The following ACLY variants were observed in gnomAD, a reference collection of about 807,000 sequenced individuals.
ACLY encodes ATP-citrate synthase.
A neutral mutation model predicts 133.0 loss-of-function variants in ACLY; 41 were observed. The observed-to-expected ratio is 0.31, with a 90% CI of 0.24 to 0.40. ACLY has a LOEUF of 0.40. ACLY is among the 10% of genes least tolerant of loss of function. The probability of loss-of-function intolerance (pLI) is 1.00; values close to 1 mark genes in which losing one functional copy is unlikely to be tolerated. For missense variants in ACLY, 1,046 were observed against 1,453.8 expected (o/e 0.72, Z 4.56); for synonymous variants, 495 against 549.3 (o/e 0.90, Z 1.38).
At chr17:41,918,839 C>A in intron 1 of ACLY, 41 bp downstream of exon 1, 4 of 1,285,056 alleles carry the variant, frequency 3.1e-6, no homozygotes, top group Non-Finnish European at 4.1e-6. Flanking sequence ...GCTCCTAGGG[C>A]GAGCGGGCTC....
At chr17:41,872,473 G>A (rs1391956689) in intron 23 of ACLY, among the ~76,000 whole-genome samples, 2 of 152,018 alleles carry the variant, frequency 1.3e-5, no homozygotes, top group East Asian at 1.9e-4. Flanking sequence ...CTACAGGTAC[G>A]CACCACCACG....
intron 1 of ACLY, among the ~76,000 whole-genome samples, chr17:41,929,276 G>A (rs2050284118): frequency 6.6e-6 from 1 of 151,996 alleles, no homozygotes; most frequent in South Asian, 2.1e-4. Context: ...TGTATTTGTG[G>A]TAGAGACAGG....
rs2049727899 is a variant in ACLY at position 41,906,663 on chromosome 17, A to G, written c.748-17T>C. On this transcript the variant is annotated splice_polypyrimidine_tract_variant and intron_variant, in intron 7 of 28. Transcript: ENST00000352035. Reference sequence around the variant, plus strand: ...GTAGGCTTCCTGGGGACCAGACAGCAACAGGTAGGCCCTTGGGGTACCCCC... The same window carrying G: ...GTAGGCTTCCTGGGGACCAGACAGCGACAGGTAGGCCCTTGGGGTACCCCC... The G allele has an allele frequency of 6.2e-7, 1 of 1,608,434 alleles. No homozygotes were observed.
rs1346805529 is a variant in ACLY at position 41,893,157 on chromosome 17, A to G, written c.1477T>C (p.Phe493Leu). 2.4e-5 allele frequency: 39 copies of G among 1,613,446 alleles called. No individual in the cohort carries two copies. Among genetic ancestry groups the G allele is most frequent in the Non-Finnish European group, 3.3e-5 (39 of 1,179,718 alleles). The part of the protein sequence containing the change: ...RSLQGKSTTL[F>L]SRHTKAIVWG... ...ACAATGGCCTTGGTGTGGCGGCTGA[A>G]GAGGGTGGTGCTCTTTCCTGGTGGG... Residue 493 changes from phenylalanine (F) to leucine (L), a missense_variant, in exon 15 of 29, where the codon TTC becomes CTC. This residue lies in a region of ACLY where 575 missense variants were observed against 804.2 expected (regional missense o/e 0.71). Transcript: ENST00000352035.
Position 41,893,951 on chromosome 17 carries a change from C to T in ACLY, c.1460-777G>A, listed in dbSNP as rs140952629. 3.4e-3 allele frequency among the ~76,000 whole-genome samples: 521 copies of T among 152,226 alleles called. 3 individuals carry two copies. Among genetic ancestry groups the T allele is most frequent in the Non-Finnish European group, 5.8e-3 (392 of 68,016 alleles). ...GGCGCAGGTCAGGTGTGGTGGCTCA[C>T]GCCTGTAATCCCAGCACTTTGGGAG... On this transcript the variant is annotated intron_variant, in intron 14 of 28. Transcript: ENST00000352035.
At chr17:41,925,626 A>G (rs1230398277) in intron 1 of ACLY, among the ~76,000 whole-genome samples, 1 of 151,960 alleles carries the variant, frequency 6.6e-6, no homozygotes, top group Non-Finnish European at 1.5e-5. Context: ...TAAATAAATA[A>G]AAGTAATCTT....
At chr17:41,868,845 G>A (rs1489012026) in intron 27 of ACLY, 60 bp from the exon 28 acceptor site, 35 of 1,531,238 alleles carry the variant, frequency 2.3e-5, no homozygotes, top group Non-Finnish European at 2.7e-5. Context: ...CCTCCCCACA[G>A]ACAGTACTAC....
intron 24 of ACLY, 94 bp downstream of exon 24, chr17:41,871,936 ACT>A (rs1446885097): frequency 1.8e-5 from 29 of 1,592,632 alleles, no homozygotes; most frequent in Non-Finnish European, 2.4e-5. Context: ...TGGGTTTTAC[ACT>A]CAGGGGCTCC....
chr17:41,913,038 C>A (rs1378527836), intron 2 of ACLY, among the ~76,000 whole-genome samples: 1 of 152,164 alleles, frequency 6.6e-6, no homozygotes, highest in African/African-American at 2.4e-5. Flanking sequence ...ATCTCCAGGG[C>A]CAGGAAACTC....
intron 20 of ACLY, among the ~76,000 whole-genome samples, chr17:41,882,311 G>A (rs1175870940): frequency 1.7e-5 from 2 of 118,210 alleles, no homozygotes; most frequent in Non-Finnish European, 3.3e-5. Context: ...AGGTTGCAGT[G>A]AGCCGAGATC....
chr17:41,923,706 T>C (rs984349392), upstream of ACLY, among the ~76,000 whole-genome samples: 4 of 152,070 alleles, frequency 2.6e-5, no homozygotes, highest in African/African-American at 4.8e-5. Flanking sequence ...TCTTATAATA[T>C]GTGAATGAAA....
chr17:41,897,865 A>C (rs782418151), intron 12 of ACLY, 26 bp from the exon 13 acceptor site: 6 of 1,598,162 alleles, frequency 3.8e-6, no homozygotes, highest in African/African-American at 2.7e-5. Context: ...GAGAGAGTGT[A>C]AGAGGTAAGA....
chr17:41,890,167 T>C (rs1194689930), intron 16 of ACLY, among the ~76,000 whole-genome samples: 1 of 152,106 alleles, frequency 6.6e-6, no homozygotes, highest in East Asian at 1.9e-4. Flanking sequence ...TGGCATACAG[T>C]ATTATTCCCT....
intron 10 of ACLY, among the ~76,000 whole-genome samples, chr17:41,904,256 AGGGG>A (rs2049631967): frequency 1.2e-5 from 1 of 81,184 alleles, no homozygotes. Flanking sequence ...GAAGGAAGGG[AGGGG>A]AGGGAGGAAG....
chr17:41,927,479 C>A (rs1555636111), intron 1 of ACLY, among the ~76,000 whole-genome samples: 1 of 152,128 alleles, frequency 6.6e-6, no homozygotes, highest in Admixed American at 6.6e-5. Context: ...AGCTACCACA[C>A]CCGGCCACAT....
chr17:41,871,514 G>A (rs1250802136), intron 25 of ACLY, among the ~76,000 whole-genome samples, 175 bp downstream of exon 25: 2 of 151,980 alleles, frequency 1.3e-5, no homozygotes, highest in Non-Finnish European at 2.9e-5. Context: ...CACCACGCCT[G>A]GCTAATTTTT....
intron 10 of ACLY, among the ~76,000 whole-genome samples, chr17:41,902,355 A>C (rs1555631792): frequency 1.3e-5 from 2 of 152,202 alleles, no homozygotes; most frequent in Admixed American, 6.5e-5. Flanking sequence ...CTGGGACTAC[A>C]GATGTCTGCC....
At chr17:41,888,053 G>T (rs922263822) in intron 16 of ACLY, among the ~76,000 whole-genome samples, 9 of 152,030 alleles carry the variant, frequency 5.9e-5, no homozygotes, top group African/African-American at 2.2e-4. Flanking sequence ...GCTTGAGCCC[G>T]GGAGGTGGAG....
At chr17:41,882,383 A>G (rs2048941069) in intron 20 of ACLY, among the ~76,000 whole-genome samples, 1 of 149,180 alleles carries the variant, frequency 6.7e-6, no homozygotes, top group African/African-American at 2.5e-5. Flanking sequence ...AAAAAAAAAA[A>G]AAAAAAAAAA....
Sources: gnomAD v4.1 joint callset for allele counts (sites outside exome capture counted in the v4.1 genomes callset) on GRCh38, gnomAD v4.1.1 for gene constraint, gnomAD v4.1.1 regional missense constraint, MANE v1.5 for transcripts, NCBI Gene and HGNC (gene_info 2026-07-23, HGNC 2026-07-21) for gene names.